STPG2: variants seen among roughly 807,000 people sequenced by gnomAD.
The protein encoded by STPG2 is sperm tail PG-rich repeat containing 2, also known as sperm-tail PG-rich repeat-containing protein 2.
In STPG2, 56 loss-of-function variants were observed where a neutral mutation model predicts 54.2. The ratio of observed to expected loss-of-function variants is 1.03; its 90% CI spans 0.83 to 1.29. STPG2 has a LOEUF of 1.29. STPG2 is among the 50% of genes most tolerant of loss of function. The pLI, the probability that STPG2 is intolerant of heterozygous loss-of-function variation, is 0.00. For synonymous variants in STPG2, 200 were observed against 181.8 expected, an observed-to-expected ratio of 1.10 and a Z score of -0.81; for missense variants, 596 against 544.9, an observed-to-expected ratio of 1.09 and a Z score of -0.93.
chr4:97,796,627 G>A (rs1232320599), intron 9 of STPG2, among the ~76,000 whole-genome samples: 1 of 152,190 alleles, frequency 6.6e-6, no homozygotes, highest in African/African-American at 2.4e-5. Context: ...TTTGAAGTCA[G>A]GTAGCATGAT....
intron 9 of STPG2, among the ~76,000 whole-genome samples, chr4:97,831,372 A>C (rs1245653890): frequency 6.6e-6 from 1 of 152,226 alleles, no homozygotes; most frequent in Non-Finnish European, 1.5e-5. Flanking sequence ...TATTTAAAGC[A>C]GTGTGTAGAG....
chr4:97,863,812 G>A (rs71589927), intron 8 of STPG2, among the ~76,000 whole-genome samples: 1,903 of 152,146 alleles, frequency 0.013, 35 homozygotes, highest in African/African-American at 0.043. Flanking sequence ...ATCAATAAAC[G>A]TGATCCAGCA....
chr4:98,007,435 A>G (rs1578774385), intron 5 of STPG2, among the ~76,000 whole-genome samples: 1 of 152,324 alleles, frequency 6.6e-6, no homozygotes, highest in African/African-American at 2.4e-5. Context: ...AGCATACATT[A>G]TAATCACACC....
At chr4:97,441,307 G>A (rs910751011) in intron 4 of STPG2, 71 of 151,980 alleles carry the variant, frequency 4.7e-4, no homozygotes, top group African/African-American at 1.6e-3. Context: ...AGTAGTACAC[G>A]CTTAGAAAGA....
At chr4:97,626,737 TC>T (rs1734147542) in intron 10 of STPG2, among the ~76,000 whole-genome samples, 1 of 152,102 alleles carries the variant, frequency 6.6e-6, no homozygotes, top group African/African-American at 2.4e-5. Flanking sequence ...AATTTTAATG[TC>T]TTTCCATATA....
At chr4:98,141,218 A>G (rs1187418503) in intron 1 of STPG2, among the ~76,000 whole-genome samples, 1 of 152,238 alleles carries the variant, frequency 6.6e-6, no homozygotes, top group African/African-American at 2.4e-5. Flanking sequence ...AAAAAAATCA[A>G]AATGTTTTAC....
At chr4:98,142,342 A>T (rs1740319713) in intron 1 of STPG2, among the ~76,000 whole-genome samples, 1 of 152,232 alleles carries the variant, frequency 6.6e-6, no homozygotes. Context: ...TTTGGACGGT[A>T]TTAAGCTCCA....
At chr4:97,566,703 T>TAA (rs769754942) in intron 10 of STPG2, among the ~76,000 whole-genome samples, 1 of 151,978 alleles carries the variant, frequency 6.6e-6, no homozygotes, top group Non-Finnish European at 1.5e-5. Context: ...TATGCAGCCA[T>TAA]AAAAAATGAT....
At chr4:97,926,387 A>T (rs1732331571) in intron 8 of STPG2, among the ~76,000 whole-genome samples, 1 of 152,018 alleles carries the variant, frequency 6.6e-6, no homozygotes, top group Non-Finnish European at 1.5e-5. Flanking sequence ...CTTCCCATCC[A>T]AGAAGGGCTC....
chr4:97,898,173 T>C (rs978782159), intron 8 of STPG2, among the ~76,000 whole-genome samples: 2 of 152,254 alleles, frequency 1.3e-5, no homozygotes, highest in East Asian at 1.9e-4. Context: ...CCTGTCTCCA[T>C]TGCTTGATTT....
intron 6 of STPG2, among the ~76,000 whole-genome samples, chr4:97,978,772 C>T (rs566742140): frequency 6.6e-6 from 1 of 152,218 alleles, no homozygotes; most frequent in South Asian, 2.1e-4. Context: ...TGTTTTTCAT[C>T]CCCAGTCTAT....
chr4:97,561,680 C>T (rs1475976608), intron 10 of STPG2, among the ~76,000 whole-genome samples: 9 of 152,154 alleles, frequency 5.9e-5, no homozygotes. Context: ...TTTCCCAGCA[C>T]CATTTATTAA....
At chr4:97,589,273 A>G (rs1206267517) in intron 10 of STPG2, among the ~76,000 whole-genome samples, 1 of 151,960 alleles carries the variant, frequency 6.6e-6, no homozygotes, top group Non-Finnish European at 1.5e-5. Context: ...TTTGCATTAT[A>G]TATGTGTGTT....
intron 8 of STPG2, among the ~76,000 whole-genome samples, chr4:97,857,012 T>G (rs796344983): frequency 7.2e-5 from 11 of 152,286 alleles, no homozygotes; most frequent in African/African-American, 2.4e-4. Flanking sequence ...TGAAGCCAAC[T>G]TGATAGTGGT....
intron 5 of STPG2, among the ~76,000 whole-genome samples, chr4:98,056,441 G>A (rs1737487860): frequency 6.6e-6 from 1 of 152,088 alleles, no homozygotes; most frequent in Admixed American, 6.5e-5. Context: ...CTGCACCTTG[G>A]TGCCCCCAGC....
intron 9 of STPG2, among the ~76,000 whole-genome samples, chr4:97,838,383 A>C (rs1728694565): frequency 6.6e-6 from 1 of 151,428 alleles, no homozygotes; most frequent in Admixed American, 6.6e-5. Context: ...TAAAAATCAA[A>C]TGATGTCATG....
intron 8 of STPG2, among the ~76,000 whole-genome samples, chr4:97,888,006 A>T (rs1375650821): frequency 6.6e-6 from 1 of 152,290 alleles, no homozygotes; most frequent in South Asian, 2.1e-4. Context: ...CAGCTTCCAC[A>T]TGGTATTAAG....
intron 5 of STPG2, among the ~76,000 whole-genome samples, chr4:97,996,623 AAC>A (rs1735250398): frequency 1.3e-5 from 2 of 152,262 alleles, no homozygotes; most frequent in African/African-American, 2.4e-5. Context: ...AGAAACTATT[AAC>A]AGAGTAAACA....
intron 10 of STPG2, among the ~76,000 whole-genome samples, chr4:97,566,425 C>T (rs935259094): frequency 1.3e-5 from 2 of 152,194 alleles, no homozygotes; most frequent in South Asian, 2.1e-4. Context: ...TCGGCTAGCA[C>T]ATGGCGTGCT....
Sources: allele counts gnomAD v4.1 joint callset (sites outside exome capture counted in the v4.1 genomes callset), GRCh38; gene constraint gnomAD v4.1.1; transcripts MANE v1.5; gene names NCBI Gene and HGNC (gene_info 2026-07-23, HGNC 2026-07-21).